Variants in TRIM58 observed in about 807,000 individuals in gnomAD.
The protein encoded by TRIM58 is tripartite motif containing 58.
A neutral mutation model predicts 34.1 loss-of-function variants in TRIM58; 38 were observed. The ratio of observed to expected loss-of-function variants is 1.12; its 90% confidence interval spans 0.86 to 1.46. The LOEUF is 1.46. TRIM58 is among the 40% of genes most tolerant of loss of function. The probability of loss-of-function intolerance (pLI) is 0.00; values close to 1 mark genes in which losing one functional copy is unlikely to be tolerated. For synonymous variants in TRIM58, 273 were observed against 275.7 expected, an observed-to-expected ratio of 0.99 and a Z score of 0.10; for missense variants, 677 against 642.0, an observed-to-expected ratio of 1.05 and a Z score of -0.59.
Position 247,875,919 on chromosome 1 carries a change from C to T in TRIM58, c.891C>T (p.Pro297=), listed in dbSNP as rs745534672. ...CCGCAGTGGATGTAAAGCTGGATCCCGCCACGGCGCACCCGAGTCTGCTCT... is the reference window on the plus strand; with the variant it reads ...CCGCAGTGGATGTAAAGCTGGATCCTGCCACGGCGCACCCGAGTCTGCTCT... ...RKFQVDVKLD[P]ATAHPSLLLT... is the part of the protein sequence containing the mutation. The change falls in exon 6 of 6, where the codon CCC becomes CCT. Residue 297 remains proline, a synonymous_variant. Transcript: ENST00000366481. 8.7e-6 allele frequency: 14 copies of T among 1,612,248 alleles called. No homozygotes were observed. Among genetic ancestry groups the T allele is most frequent in the East Asian group, 6.7e-5 (3 of 44,844 alleles).
At chr1:247,864,570 G>A in intron 2 of TRIM58, 135 bp from the exon 3 acceptor site, 1 of 820,530 alleles carries the variant, frequency 1.2e-6, no homozygotes, top group Non-Finnish European at 1.9e-6. Flanking sequence ...GTCTGTGCAT[G>A]TTGTTAGGAT....
At chr1:247,871,120 C>A (rs1420252942) in intron 5 of TRIM58, among the ~76,000 whole-genome samples, 5 of 152,194 alleles carry the variant, frequency 3.3e-5, no homozygotes, top group African/African-American at 1.2e-4. Flanking sequence ...TGTAGGTCAT[C>A]TCTTATTAGC....
In TRIM58 at chr1:247,876,157, C is replaced by A; in HGVS notation, c.1129C>A (p.Pro377Thr). The change falls in exon 6 of 6, where the codon CCT (proline) becomes ACT (threonine). Residue 377 changes from proline (P) to threonine (T), a missense_variant. Coordinates refer to ENST00000366481, the MANE Select transcript of TRIM58 (RefSeq NM_015431.4). Reference protein sequence around the residue: ...LPRKGETTPSPENGVWALWLL... With the variant: ...LPRKGETTPSTENGVWALWLL... ...AAGAAAGGGGGAAACCACGCCATCT[C>A]CTGAGAATGGGGTCTGGGCCCTGTG... 6.2e-7 allele frequency: 1 copy of A among 1,614,174 alleles called. No individual in the cohort carries two copies. The highest frequency in any genetic ancestry group is 8.5e-7 in the Non-Finnish European group (1 of 1,180,018).
chr1:247,869,970 T>C (rs964709970), intron 5 of TRIM58, among the ~76,000 whole-genome samples: 1 of 152,154 alleles, frequency 6.6e-6, no homozygotes, highest in Non-Finnish European at 1.5e-5. Flanking sequence ...AATGATTTTT[T>C]GGAGGATTCA....
chr1:247,873,176 G>A (rs1659190396), intron 5 of TRIM58, among the ~76,000 whole-genome samples: 1 of 152,112 alleles, frequency 6.6e-6, no homozygotes, highest in African/African-American at 2.4e-5. Context: ...GTTGCAGTAA[G>A]CCAAGATCAT....
intron 3 of TRIM58, 22 bp from the exon 4 acceptor site, chr1:247,867,823 T>C (rs201016573): frequency 1.1e-4 from 183 of 1,614,054 alleles, no homozygotes; most frequent in Admixed American, 3.3e-5. Flanking sequence ...CAACTCACAC[T>C]GTGTTTTTCT....
intron 2 of TRIM58, among the ~76,000 whole-genome samples, chr1:247,862,750 C>T (rs1663823311): frequency 6.6e-6 from 1 of 152,160 alleles, no homozygotes; most frequent in Admixed American, 6.5e-5. Context: ...TGATCATTAC[C>T]ATCAAGAATG....
In TRIM58 at chr1:247,864,803, G is replaced by A. The variant is rs759710514; in HGVS notation, c.615G>A (p.Glu205=). ...AGCAACGGCAGCTGAGGCGGCTGGA[G>A]GCGGAGGAGCGAGCGACGCTGCAGA... is the stretch of plus-strand genomic sequence containing the variant. ...QEEQRQLRRL[E]AEERATLQRL... is the part of the protein sequence containing the mutation. Residue 205 remains glutamate, a synonymous_variant, in exon 3 of 6, where the codon GAG becomes GAA. Coordinates refer to ENST00000366481, the MANE Select transcript of TRIM58 (RefSeq NM_015431.4). 7.4e-6 allele frequency: 12 copies of A among 1,614,086 alleles called. No homozygotes were observed. In the South Asian group the frequency reaches 1.3e-4, roughly 18 times the overall value.
chr1:247,873,075 A>C (rs573982054), intron 5 of TRIM58, among the ~76,000 whole-genome samples: 40 of 152,266 alleles, frequency 2.6e-4, no homozygotes, highest in African/African-American at 8.9e-4. Context: ...TACTAAAAAT[A>C]CAAAATTAGC....
At chr1:247,873,428 C>T (rs550297806) in intron 5 of TRIM58, among the ~76,000 whole-genome samples, 6 of 152,170 alleles carry the variant, frequency 3.9e-5, no homozygotes, top group African/African-American at 1.4e-4. Context: ...TGAAGCAGAC[C>T]ACTGTGCCGG....
chr1:247,876,145 A>T lies in TRIM58; in HGVS notation c.1117A>T (p.Thr373Ser). ...CQDTLPRKGE[T>S]TPSPENGVWA... is the part of the protein sequence containing the mutation. ...AGACACACTGCCAAGAAAGGGGGAA[A>T]CCACGCCATCTCCTGAGAATGGGGT... Residue 373 changes from threonine to serine, a missense_variant, in exon 6 of 6, where the codon ACC becomes TCC. Coordinates refer to ENST00000366481, the MANE Select transcript of TRIM58 (RefSeq NM_015431.4). 6.2e-7 allele frequency: 1 copy of T among 1,614,120 alleles called. No individual in the cohort carries two copies. The highest frequency in any genetic ancestry group is 1.1e-5 in the South Asian group (1 of 91,070).
At chr1:247,860,000 T>A (rs1476692917) in intron 1 of TRIM58, among the ~76,000 whole-genome samples, 1 of 152,186 alleles carries the variant, frequency 6.6e-6, no homozygotes, top group African/African-American at 2.4e-5. Flanking sequence ...TTGGACATTA[T>A]CATTGTATTT....
At position 247,876,063 on chromosome 1, in the gene TRIM58, G is replaced by T. The variant is rs376720375; in HGVS notation, c.1035G>T (p.Arg345Ser). Reference sequence around the variant, plus strand: ...GTTTGCAGAGCTTCTCATCAGGGAGGCATTACTGGGAGGTTCTGGTGGGAG... The same window carrying T: ...GTTTGCAGAGCTTCTCATCAGGGAGTCATTACTGGGAGGTTCTGGTGGGAG... ...ILGLQSFSSG[R>S]HYWEVLVGEG... The change falls in exon 6 of 6, where the codon AGG becomes AGT. Residue 345 changes from arginine (R) to serine (S), a missense_variant. Transcript: ENST00000366481. 2.5e-6 allele frequency: 4 copies of T among 1,614,174 alleles called. No individual in the cohort carries two copies. The African/African-American group carries it at 5.3e-5, about 22-fold the overall frequency.
At chr1:247,859,860 T>G (rs1663742185) in intron 1 of TRIM58, among the ~76,000 whole-genome samples, 1 of 152,054 alleles carries the variant, frequency 6.6e-6, no homozygotes, top group African/African-American at 2.4e-5. Flanking sequence ...AGCATCACTC[T>G]TCATCCAAAC....
At position 247,864,612 on chromosome 1, in the gene TRIM58, C is replaced by T. The variant is rs12063723; in HGVS notation, c.517-93C>T. On this transcript the variant is annotated intron_variant, in intron 2 of 5. Coordinates refer to ENST00000366481, the MANE Select transcript of TRIM58 (RefSeq NM_015431.4). ...AGTGAGTCCACAGAGTTACGGAGCC[C>T]GGGGAAGTCTGGACATTACCTTCTC... The T allele has an allele frequency of 4.4e-3, 5,911 of 1,352,932 alleles. 196 individuals are homozygous for T. In the African/African-American group the frequency reaches 0.074, roughly 17 times the overall value. The allele number at this position is 1,352,932 out of a possible 1,614,324, so 83.8% of individuals were successfully genotyped here.
chr1:247,871,474 A>G (rs979730401), intron 5 of TRIM58, among the ~76,000 whole-genome samples: 18 of 151,914 alleles, frequency 1.2e-4, no homozygotes, highest in African/African-American at 3.8e-4. Context: ...TCATTTTAAA[A>G]TCTAATTTAT....
rs775876778 is a variant in TRIM58, at chr1:247,875,952, C to T, written c.924C>T (p.Ala308=). The T allele has an allele frequency of 1.2e-4, 201 of 1,614,002 alleles. No individual in the cohort carries two copies. Among genetic ancestry groups the T allele is most frequent in the Non-Finnish European group, 1.6e-4 (185 of 1,180,028 alleles). Residue 308 remains alanine, a synonymous_variant, in exon 6 of 6, where the codon GCC becomes GCT. Coordinates refer to ENST00000366481, the MANE Select transcript of TRIM58 (RefSeq NM_015431.4). Reference sequence around the variant, plus strand: ...CGCACCCGAGTCTGCTCTTGACCGCCGACCTGCGCAGTGTGCAGGATGGAG... The same window carrying T: ...CGCACCCGAGTCTGCTCTTGACCGCTGACCTGCGCAGTGTGCAGGATGGAG... ...ATAHPSLLLT[A]DLRSVQDGEP...
intron 2 of TRIM58, among the ~76,000 whole-genome samples, chr1:247,863,011 A>G (rs1456832990): frequency 2.0e-5 from 3 of 152,138 alleles, no homozygotes; most frequent in South Asian, 2.1e-4. Flanking sequence ...AGCCTCTGAT[A>G]TGAAGAGAGC....
intron 2 of TRIM58, among the ~76,000 whole-genome samples, chr1:247,862,842 C>T (rs939502310): frequency 6.6e-6 from 1 of 152,180 alleles, no homozygotes; most frequent in Non-Finnish European, 1.5e-5. Context: ...TCCTTTTTCT[C>T]TGTCTGCAGA....
Sources: gnomAD v4.1 joint callset for allele counts (sites outside exome capture counted in the v4.1 genomes callset) on GRCh38, gnomAD v4.1.1 for gene constraint, MANE v1.5 for transcripts, NCBI Gene and HGNC (gene_info 2026-07-23, HGNC 2026-07-21) for gene names.